Variants in GIGYF2 observed in about 807,000 individuals in gnomAD.
GIGYF2 encodes the protein GRB10 interacting GYF protein 2.
Under a neutral mutation model 208.1 loss-of-function variants are expected in GIGYF2, and 25 were observed. The observed-to-expected ratio is 0.12, with a 90% CI of 0.09 to 0.17. The LOEUF (loss-of-function observed/expected upper bound fraction) is 0.17, where lower values mean the gene tolerates loss of function less well. GIGYF2 is among the 10% of genes least tolerant of loss of function. The pLI is 1.00. For synonymous variants in GIGYF2, 534 were observed against 543.8 expected, an observed-to-expected ratio of 0.98 and a Z score of 0.25; for missense variants, 1,302 against 1,579.4, an observed-to-expected ratio of 0.82 and a Z score of 2.98.
At chr2:232,781,285 AAT>A (rs943233045) in intron 8 of GIGYF2, among the ~76,000 whole-genome samples, 5 of 64,888 alleles carry the variant, frequency 7.7e-5, no homozygotes, top group Middle Eastern at 7.2e-3. Flanking sequence ...TTATATCAGG[AAT>A]ACACACACAC....
At position 232,844,377 on chromosome 2, in the gene GIGYF2, C is replaced by T. The variant is rs1482134895; in HGVS notation, c.3108C>T (p.Asn1036=). The T allele has an allele frequency of 6.2e-7, 1 of 1,613,232 alleles. No homozygotes were observed. Among genetic ancestry groups the T allele is most frequent in the South Asian group, 1.1e-5 (1 of 91,064 alleles). ...CTCTTTTTCTTTAACAGCATTCCAACCTGCACACCAGCATTGGGAATTCTG... is the reference window on the plus strand; with the variant it reads ...CTCTTTTTCTTTAACAGCATTCCAATCTGCACACCAGCATTGGGAATTCTG... The part of the protein sequence containing the change: ...PNRARNNTHS[N]LHTSIGNSVW... The change falls in exon 25 of 29, where the codon AAC becomes AAT. Residue 1036 remains asparagine, a synonymous_variant. Transcript: ENST00000373563.
At chr2:232,815,915 A>AT in intron 19 of GIGYF2, 178 bp downstream of exon 19, 1 of 589,136 alleles carries the variant, frequency 1.7e-6, no homozygotes, top group Non-Finnish European at 3.0e-6. Flanking sequence ...AAAAAAAAAA[A>AT]CTCAAAACAG....
At chr2:232,795,371 T>C (rs1010959137) in intron 13 of GIGYF2, among the ~76,000 whole-genome samples, 4 of 152,218 alleles carry the variant, frequency 2.6e-5, no homozygotes, top group South Asian at 2.1e-4. Context: ...ACCATTGTTA[T>C]ATGTAAAGTA....
At chr2:232,750,046 A>G in intron 5 of GIGYF2, among the ~76,000 whole-genome samples, 1 of 152,064 alleles carries the variant, frequency 6.6e-6, no homozygotes, top group African/African-American at 2.4e-5. Context: ...TTAGCCGAGC[A>G]TGGTGACACA....
At position 232,760,490 on chromosome 2, in the gene GIGYF2, A is replaced by T; in HGVS notation, c.390A>T (p.Arg130Ser). 1.2e-6 allele frequency: 2 copies of T among 1,611,166 alleles called. No individual in the cohort carries two copies. Among genetic ancestry groups the T allele is most frequent in the Non-Finnish European group, 1.7e-6 (2 of 1,177,478 alleles). The change falls in exon 7 of 29, where the codon AGA becomes AGT. Residue 130 changes from arginine (R) to serine (S), a missense_variant. Arg to Ser is a moderately radical substitution (Grantham distance 110, BLOSUM62 -1). Transcript: ENST00000373563. The part of the protein sequence containing the change: ...RSSSRGRGRG[R>S]GECGFYQRSF... ...TTTTCTTATTTTCAGGCAGAGGCAG[A>T]GGTGAATGTGGTTTCTACCAAAGAA...
At chr2:232,818,193 A>G (rs1040481273) in intron 20 of GIGYF2, among the ~76,000 whole-genome samples, 6 of 152,196 alleles carry the variant, frequency 3.9e-5, no homozygotes, top group African/African-American at 1.4e-4. Flanking sequence ...TACTTTAAAA[A>G]AGTATCTTTG....
chr2:232,756,178 TTC>T (rs769272730), intron 5 of GIGYF2, 43 bp from the exon 6 acceptor site: 1 of 1,205,862 alleles, frequency 8.3e-7, no homozygotes, highest in Non-Finnish European at 1.2e-6. Context: ...ATTTTTTTCT[TTC>T]TTTTTTTCCT....
chr2:232,852,721 C>T (rs1298944144), intron 28 of GIGYF2, among the ~76,000 whole-genome samples: 1 of 152,026 alleles, frequency 6.6e-6, no homozygotes, highest in Admixed American at 6.6e-5. Flanking sequence ...AAATTTTTTC[C>T]AATTTGGATG....
intron 21 of GIGYF2, among the ~76,000 whole-genome samples, chr2:232,823,145 ATATTAATAACTGAGT>A (rs1701146011): frequency 1.3e-5 from 2 of 152,028 alleles, no homozygotes; most frequent in African/African-American, 4.8e-5. Context: ...ATTAATATTA[ATATTAATAACTGAGT>A]TATTAATAAC....
At chr2:232,814,391 T>C (rs1206074713) in intron 18 of GIGYF2, among the ~76,000 whole-genome samples, 2 of 151,520 alleles carry the variant, frequency 1.3e-5, no homozygotes, top group Non-Finnish European at 2.9e-5. Flanking sequence ...TGAAACCCCA[T>C]CTCTACTAAA....
chr2:232,847,944 G>A (rs1274985901), intron 27 of GIGYF2, among the ~76,000 whole-genome samples: 1 of 152,148 alleles, frequency 6.6e-6, no homozygotes, highest in Non-Finnish European at 1.5e-5. Context: ...CAACACTGCA[G>A]CATGCCAGAT....
At chr2:232,746,241 C>G (rs137974416) in intron 3 of GIGYF2, among the ~76,000 whole-genome samples, 1 of 151,174 alleles carries the variant, frequency 6.6e-6, no homozygotes, top group East Asian at 1.9e-4. Flanking sequence ...TTAAATATTA[C>G]TTTATTCTTG....
intron 2 of GIGYF2, among the ~76,000 whole-genome samples, chr2:232,712,621 G>T (rs1222470175): frequency 6.6e-6 from 1 of 152,074 alleles, no homozygotes; most frequent in Non-Finnish European, 1.5e-5. Flanking sequence ...TAATATTTTG[G>T]TTTTTGCAAT....
At chr2:232,780,744 G>A (rs1380707092) in intron 8 of GIGYF2, among the ~76,000 whole-genome samples, 1 of 152,160 alleles carries the variant, frequency 6.6e-6, no homozygotes. Context: ...CTGAAATACA[G>A]TATTTGGTTA....
chr2:232,834,493 G>C (rs1701520127), intron 22 of GIGYF2, among the ~76,000 whole-genome samples: 1 of 152,150 alleles, frequency 6.6e-6, no homozygotes, highest in Non-Finnish European at 1.5e-5. Flanking sequence ...CTGGCTTTCA[G>C]CATTTTTACT....
rs769133000 is a variant in GIGYF2 at position 232,844,564 on chromosome 2, G to A, written c.3295G>A (p.Ala1099Thr). ...TTCAACAAATAAAAATAAAAACAAC[G>A]CCAGTCTCAGGTAGGGCTCAAAATG... ...RNSTNKNKNN[A>T]SLSKSVGVSN... The change falls in exon 25 of 29, where the codon GCC (alanine) becomes ACC (threonine). Residue 1099 changes from alanine (A) to threonine (T), a missense_variant. By Grantham distance (58) the Ala-to-Thr change is moderately conservative. Coordinates refer to ENST00000373563, the MANE Select transcript of GIGYF2 (RefSeq NM_001103146.3). The A allele has an allele frequency of 6.2e-6, 10 of 1,610,564 alleles. No homozygotes were observed. Among genetic ancestry groups the A allele is most frequent in the Admixed American group, 1.7e-5 (1 of 60,012 alleles).
chr2:232,731,746 A>G (rs1441579684), intron 2 of GIGYF2, among the ~76,000 whole-genome samples: 2 of 152,226 alleles, frequency 1.3e-5, no homozygotes, highest in Non-Finnish European at 2.9e-5. Flanking sequence ...AATGTACCAT[A>G]ATTTTAATTG....
chr2:232,805,727 T>TC (rs1383224910), intron 14 of GIGYF2, among the ~76,000 whole-genome samples: 1 of 152,202 alleles, frequency 6.6e-6, no homozygotes, highest in Non-Finnish European at 1.5e-5. Context: ...CCTTTTTCTC[T>TC]CCACCTTTCA....
intron 2 of GIGYF2, among the ~76,000 whole-genome samples, chr2:232,727,451 GA>G (rs1230162235): frequency 6.6e-6 from 1 of 152,194 alleles, no homozygotes; most frequent in Non-Finnish European, 1.5e-5. Context: ...GTCTGAATGT[GA>G]AGTATGGAGG....
Sources: allele counts gnomAD v4.1 joint callset (sites outside exome capture counted in the v4.1 genomes callset), GRCh38; gene constraint gnomAD v4.1.1; transcripts MANE v1.5; gene names NCBI Gene and HGNC (gene_info 2026-07-23, HGNC 2026-07-21).